COMMD1: variants seen among roughly 807,000 people sequenced by gnomAD.
COMMD1 encodes the protein COMM domain-containing protein 1.
Under a neutral mutation model 17.2 loss-of-function variants are expected in COMMD1, and 10 were observed. The observed-to-expected ratio is 0.58, with a 90% CI of 0.36 to 0.99. The LOEUF (loss-of-function observed/expected upper bound fraction) is 0.99, where lower values mean the gene tolerates loss of function less well. Among genes scored for constraint, COMMD1 ranks in the 50% least tolerant of loss-of-function variants. The probability of loss-of-function intolerance (pLI) is 0.01; values close to 1 mark genes in which losing one functional copy is unlikely to be tolerated. For synonymous variants in COMMD1, 97 were observed against 91.6 expected (o/e 1.06, Z -0.34); for missense variants, 270 against 231.8 (o/e 1.17, Z -1.07).
At chr2:62,105,274 A>G (rs866088556) in intron 2 of COMMD1, among the ~76,000 whole-genome samples, 3 of 152,156 alleles carry the variant, frequency 2.0e-5, no homozygotes, top group East Asian at 1.9e-4. Context: ...TTTAATTTCT[A>G]TTGAAATCCT....
At chr2:62,095,927 A>T (rs1671997211) in intron 2 of COMMD1, among the ~76,000 whole-genome samples, 1 of 148,666 alleles carries the variant, frequency 6.7e-6, no homozygotes, top group Non-Finnish European at 1.5e-5. Context: ...ATATATATAT[A>T]TATGTATACA....
intron 1 of COMMD1, chr2:61,888,896 C>CT (rs70946768): frequency 0.012 from 1,653 of 132,254 alleles, 10 homozygotes; most frequent in South Asian, 0.024. Flanking sequence ...AGGTCCCCTC[C>CT]TTTTTTTTTT....
At chr2:61,891,707 G>A (rs1211858401) in intron 1 of COMMD1, among the ~76,000 whole-genome samples, 2 of 152,024 alleles carry the variant, frequency 1.3e-5, no homozygotes, top group Non-Finnish European at 1.5e-5. Flanking sequence ...CAGCCTGGGC[G>A]ACAGAGTGAG....
intron 2 of COMMD1, among the ~76,000 whole-genome samples, chr2:62,038,319 C>G (rs1196279070): frequency 6.6e-6 from 1 of 151,854 alleles, no homozygotes. Context: ...ACAACAACAA[C>G]AAAAATAACC....
chr2:61,908,380 C>T (rs1669824496), intron 1 of COMMD1, among the ~76,000 whole-genome samples: 1 of 151,978 alleles, frequency 6.6e-6, no homozygotes. Context: ...GCATGCACTG[C>T]AGCGCCCAGC....
chr2:61,937,959 C>G (rs1351028739), intron 1 of COMMD1, among the ~76,000 whole-genome samples: 2 of 152,148 alleles, frequency 1.3e-5, no homozygotes, highest in African/African-American at 4.8e-5. Context: ...CTTACACTCT[C>G]ATGCGACAGT....
At chr2:61,898,510 G>A (rs915393497) in intron 1 of COMMD1, among the ~76,000 whole-genome samples, 1 of 152,058 alleles carries the variant, frequency 6.6e-6, no homozygotes, top group African/African-American at 2.4e-5. Flanking sequence ...CCAGTTGAGC[G>A]AAGGGTGAAT....
intron 2 of COMMD1, among the ~76,000 whole-genome samples, chr2:62,050,626 G>A (rs930015868): frequency 6.6e-6 from 1 of 152,128 alleles, no homozygotes; most frequent in Non-Finnish European, 1.5e-5. Context: ...TAAGGAAGAG[G>A]CTTGCTGAGA....
chr2:61,896,438 G>A (rs913245566), intron 1 of COMMD1, among the ~76,000 whole-genome samples: 3 of 152,032 alleles, frequency 2.0e-5, no homozygotes, highest in Admixed American at 6.6e-5. Context: ...AAAATTAGCT[G>A]GGCACAGTGA....
chr2:62,133,600 A>G (rs1673104332), intron 2 of COMMD1, among the ~76,000 whole-genome samples: 1 of 152,184 alleles, frequency 6.6e-6, no homozygotes, highest in African/African-American at 2.4e-5. Flanking sequence ...GAAAGCTTGC[A>G]TACCATTTTA....
At chr2:61,970,101 A>G (rs1164712226) in intron 1 of COMMD1, among the ~76,000 whole-genome samples, 2 of 151,960 alleles carry the variant, frequency 1.3e-5, no homozygotes, top group Non-Finnish European at 2.9e-5. Context: ...TAGTAAAAAT[A>G]CAAAAAATTA....
intron 2 of COMMD1, among the ~76,000 whole-genome samples, chr2:62,068,493 ACTT>A (rs1021358518): frequency 1.3e-5 from 2 of 152,138 alleles, no homozygotes; most frequent in Non-Finnish European, 2.9e-5. Flanking sequence ...AAAATTAAAA[ACTT>A]CTGCTGGAGT....
In COMMD1 at chr2:61,905,674, A is replaced by G. The variant is rs772731966; in HGVS notation, c.-5A>G. ...AGCTGTTGCGGGGCGGGGCCTTCGC[A>G]GAGCATGGCGGCGGGCGAGCTTGAG... is the stretch of plus-strand genomic sequence containing the variant. On this transcript the variant is annotated 5_prime_UTR_variant, in exon 1 of 3. Coordinates refer to ENST00000311832, the MANE Select transcript of COMMD1 (RefSeq NM_152516.4). The G allele has an allele frequency of 1.8e-5, 28 of 1,549,460 alleles. No homozygotes were observed. The highest frequency in any genetic ancestry group is 1.7e-5 in the Non-Finnish European group (20 of 1,143,694).
At position 62,135,892 on chromosome 2, in the gene COMMD1, T is replaced by C; in HGVS notation, c.524T>C (p.Leu175Pro). Reference sequence around the variant, plus strand: ...AAAGTCAACCAAATTCTGAAGACGCTGTCAGAGGTAGAAGAAAGTATCAGC... The same window carrying C: ...AAAGTCAACCAAATTCTGAAGACGCCGTCAGAGGTAGAAGAAAGTATCAGC... The part of the protein sequence containing the change: ...EVKVNQILKT[L>P]SEVEESISTL... Residue 175 changes from leucine to proline, a missense_variant, in exon 3 of 3, where the codon CTG (leucine) becomes CCG (proline). Coordinates refer to ENST00000311832, the MANE Select transcript of COMMD1 (RefSeq NM_152516.4). The C allele has an allele frequency of 1.2e-6, 2 of 1,605,772 alleles. No homozygotes were observed. Among genetic ancestry groups the C allele is most frequent in the South Asian group, 1.1e-5 (1 of 90,918 alleles).
chr2:61,934,257 C>T (rs1670545093), intron 1 of COMMD1, among the ~76,000 whole-genome samples: 1 of 152,048 alleles, frequency 6.6e-6, no homozygotes, highest in South Asian at 2.1e-4. Flanking sequence ...GACAGCTGTC[C>T]TGGAAGGGCC....
intron 2 of COMMD1, among the ~76,000 whole-genome samples, chr2:62,123,518 AAAAG>A (rs1387238849): frequency 6.8e-6 from 1 of 147,556 alleles, no homozygotes; most frequent in Non-Finnish European, 1.5e-5. Context: ...AAATTAAAAA[AAAAG>A]AAAAAAAAAA....
At chr2:61,920,545 G>T (rs184711582) in intron 1 of COMMD1, among the ~76,000 whole-genome samples, 1 of 152,120 alleles carries the variant, frequency 6.6e-6, no homozygotes, top group African/African-American at 2.4e-5. Context: ...GGTGTTGCTT[G>T]GAGTGTTTAA....
At chr2:62,125,854 C>T (rs1393715714) in intron 2 of COMMD1, among the ~76,000 whole-genome samples, 1 of 152,038 alleles carries the variant, frequency 6.6e-6, no homozygotes, top group Non-Finnish European at 1.5e-5. Flanking sequence ...GGTTTGCTAC[C>T]TATCAAACCA....
chr2:62,043,136 C>A (rs1573108265), intron 2 of COMMD1, among the ~76,000 whole-genome samples: 1 of 152,156 alleles, frequency 6.6e-6, no homozygotes, highest in African/African-American at 2.4e-5. Flanking sequence ...TTTGGAAATA[C>A]CAGCTAAGCC....
Sources: gnomAD v4.1 joint callset for allele counts (sites outside exome capture counted in the v4.1 genomes callset) on GRCh38, gnomAD v4.1.1 for gene constraint, MANE v1.5 for transcripts, NCBI Gene and HGNC (gene_info 2026-07-23, HGNC 2026-07-21) for gene names.